GRID2: variants seen among roughly 807,000 people sequenced by gnomAD.
GRID2 encodes glutamate receptor ionotropic, delta-2.
A neutral mutation model predicts 114.8 loss-of-function variants in GRID2; 33 were observed. The observed-to-expected ratio is 0.29, with a 90% CI of 0.22 to 0.38. The LOEUF (loss-of-function observed/expected upper bound fraction) is 0.38, where lower values mean the gene tolerates loss of function less well. GRID2 is among the 10% of genes least tolerant of loss of function. The probability of loss-of-function intolerance (pLI) is 1.00; values close to 1 mark genes in which losing one functional copy is unlikely to be tolerated. For missense variants in GRID2, 1,184 were observed against 1,257.7 expected, an observed-to-expected ratio of 0.94 and a Z score of 0.89; for synonymous variants, 505 against 449.9, an observed-to-expected ratio of 1.12 and a Z score of -1.55.
chr4:92,928,390 C>G (rs1428217615), intron 2 of GRID2, among the ~76,000 whole-genome samples: 2 of 151,590 alleles, frequency 1.3e-5, no homozygotes, highest in East Asian at 3.9e-4. Flanking sequence ...ATGTAGTCAA[C>G]TCAGCAATAA....
intron 2 of GRID2, among the ~76,000 whole-genome samples, chr4:92,634,833 A>G (rs974033732): frequency 1.3e-5 from 2 of 148,156 alleles, no homozygotes; most frequent in African/African-American, 5.0e-5. Context: ...TTGAATTTTA[A>G]TTCGCATGCA....
At chr4:92,397,573 A>G (rs1560606163) in intron 1 of GRID2, among the ~76,000 whole-genome samples, 2 of 152,138 alleles carry the variant, frequency 1.3e-5, no homozygotes, top group Non-Finnish European at 2.9e-5. Flanking sequence ...ATAAACTGAA[A>G]GTGAAAAGAA....
intron 2 of GRID2, among the ~76,000 whole-genome samples, chr4:92,907,044 T>C (rs1371369996): frequency 6.6e-6 from 1 of 152,178 alleles, no homozygotes; most frequent in Non-Finnish European, 1.5e-5. Context: ...TTCTTCTTGT[T>C]TGCTCCATAA....
In GRID2 at chr4:92,500,166, C is replaced by CT. The variant is rs571822062; in HGVS notation, c.89-89956dup. 2.9e-3 allele frequency among the ~76,000 whole-genome samples: 438 copies of CT among 151,212 alleles called. 1 individual carries two copies. Among genetic ancestry groups the CT allele is most frequent in the African/African-American group, 9.9e-3 (407 of 41,278 alleles). ...TACTAGGATTTGCTTACCTGTGTTT[C>CT]TTTTTTTTTAAATCTTTTATCCAGT... On this transcript the variant is annotated intron_variant, in intron 1 of 15. Coordinates refer to ENST00000282020, the MANE Select transcript of GRID2 (RefSeq NM_001510.4).
At chr4:92,580,144 A>G (rs943493588) in intron 1 of GRID2, among the ~76,000 whole-genome samples, 1 of 150,864 alleles carries the variant, frequency 6.6e-6, no homozygotes, top group African/African-American at 2.4e-5. Context: ...AGGGAAACTC[A>G]TGTCTCCTTT....
intron 2 of GRID2, among the ~76,000 whole-genome samples, chr4:92,687,801 C>G (rs558257882): frequency 3.9e-5 from 6 of 152,000 alleles, no homozygotes; most frequent in Non-Finnish European, 8.8e-5. Context: ...TGCACTCCAG[C>G]CTGGGCGACA....
At chr4:93,727,101 A>C (rs988316024) in intron 14 of GRID2, among the ~76,000 whole-genome samples, 2 of 152,184 alleles carry the variant, frequency 1.3e-5, no homozygotes, top group East Asian at 3.9e-4. Context: ...TTGCCCATTC[A>C]GTATGATATT....
intron 13 of GRID2, among the ~76,000 whole-genome samples, chr4:93,617,166 A>T (rs1157113703): frequency 6.6e-6 from 1 of 152,162 alleles, no homozygotes; most frequent in African/African-American, 2.4e-5. Flanking sequence ...GTAAGAGGCC[A>T]ACACGTCTGT....
chr4:92,819,016 G>A (rs1741094391), intron 2 of GRID2, among the ~76,000 whole-genome samples: 1 of 152,094 alleles, frequency 6.6e-6, no homozygotes, highest in African/African-American at 2.4e-5. Flanking sequence ...CCTGAATGCT[G>A]TGATAGGTTA....
At chr4:93,752,185 A>T (rs1045530535) in intron 14 of GRID2, among the ~76,000 whole-genome samples, 1 of 152,076 alleles carries the variant, frequency 6.6e-6, no homozygotes, top group Non-Finnish European at 1.5e-5. Flanking sequence ...CTTAATATAT[A>T]CCACATAATG....
intron 13 of GRID2, among the ~76,000 whole-genome samples, chr4:93,613,267 G>T (rs1165711915): frequency 7.2e-6 from 1 of 138,182 alleles, no homozygotes; most frequent in Non-Finnish European, 1.6e-5. Context: ...ATGTCCTCCC[G>T]TAGCTCAGAG....
chr4:93,355,356 T>A (rs756176648), intron 8 of GRID2, among the ~76,000 whole-genome samples: 1 of 151,986 alleles, frequency 6.6e-6, no homozygotes, highest in African/African-American at 2.4e-5. Context: ...TGGTCACTTG[T>A]GTGATTGGCA....
intron 2 of GRID2, among the ~76,000 whole-genome samples, chr4:92,857,444 C>G (rs991753678): frequency 3.9e-5 from 6 of 152,122 alleles, no homozygotes; most frequent in African/African-American, 1.4e-4. Context: ...GCAAAAGTGC[C>G]TTGTTGCTGA....
chr4:93,800,080 AT>A (rs1216133156), intron 1 of GRID2, among the ~76,000 whole-genome samples: 1 of 152,232 alleles, frequency 6.6e-6, no homozygotes, highest in Non-Finnish European at 1.5e-5. Flanking sequence ...AGTTGGTCTA[AT>A]ACCTAACCTA....
intron 2 of GRID2, among the ~76,000 whole-genome samples, chr4:93,054,760 A>G (rs1199592403): frequency 6.6e-6 from 1 of 151,924 alleles, no homozygotes; most frequent in African/African-American, 2.4e-5. Flanking sequence ...ATGGAAATAT[A>G]ATTTTTCACA....
intron 2 of GRID2, among the ~76,000 whole-genome samples, chr4:92,880,382 A>G (rs561559234): frequency 3.5e-4 from 53 of 152,320 alleles, no homozygotes; most frequent in African/African-American, 1.3e-3. Flanking sequence ...ATTCTAGTCC[A>G]TAATATTTTT....
chr4:93,802,971 T>C (rs1251408932), intron 1 of GRID2, among the ~76,000 whole-genome samples: 1 of 152,148 alleles, frequency 6.6e-6, no homozygotes, highest in Non-Finnish European at 1.5e-5. Flanking sequence ...CTGTGTCAGG[T>C]TTTCTTAGCA....
intron 1 of GRID2, among the ~76,000 whole-genome samples, chr4:92,365,092 A>G (rs1352455608): frequency 6.6e-6 from 1 of 152,016 alleles, no homozygotes; most frequent in Non-Finnish European, 1.5e-5. Context: ...TTCCTCAAAA[A>G]ACTGAAAACT....
rs372966394 is a variant in GRID2, at chr4:92,544,188, C to A, written c.89-45943C>A. On this transcript the variant is annotated intron_variant, in intron 1 of 15. Coordinates refer to ENST00000282020, the MANE Select transcript of GRID2 (RefSeq NM_001510.4). Reference sequence around the variant, plus strand: ...GCCCTGTAATTATCTGAGCTGAGACCCCTGACTGTTTGCTTAAAAGGAAAT... The same window carrying A: ...GCCCTGTAATTATCTGAGCTGAGACACCTGACTGTTTGCTTAAAAGGAAAT... Among the ~76,000 whole-genome samples, 19 of 152,152 alleles carry A rather than the reference C, an allele frequency of 1.2e-4. 1 individual carries two copies. The South Asian group carries it at 1.5e-3, about 12-fold the overall frequency.
Sources: gnomAD v4.1 joint callset for allele counts (sites outside exome capture counted in the v4.1 genomes callset) on GRCh38, gnomAD v4.1.1 for gene constraint, MANE v1.5 for transcripts, NCBI Gene and HGNC (gene_info 2026-07-23, HGNC 2026-07-21) for gene names.